Variants in DGKB observed in about 807,000 individuals in gnomAD.
DGKB encodes diacylglycerol kinase beta.
In DGKB, 67 loss-of-function variants were observed where a neutral mutation model predicts 114.3. The ratio of observed to expected loss-of-function variants is 0.59; its 90% CI spans 0.48 to 0.72. The LOEUF is 0.72. Among genes scored for constraint, DGKB ranks in the 30% least tolerant of loss-of-function variants. The pLI, the probability that DGKB is intolerant of heterozygous loss-of-function variation, is 0.00. For missense variants in DGKB, 907 were observed against 975.2 expected (o/e 0.93, Z 0.93); for synonymous variants, 398 against 323.1 (o/e 1.23, Z -2.49).
chr7:14,648,433 T>C (rs1462813737), intron 13 of DGKB, among the ~76,000 whole-genome samples: 1 of 151,410 alleles, frequency 6.6e-6, no homozygotes, highest in African/African-American at 2.4e-5. Flanking sequence ...CAGCTGAGGG[T>C]CCTCTCTGTT....
At chr7:14,172,773 A>G (rs1382255077) in intron 25 of DGKB, among the ~76,000 whole-genome samples, 1 of 152,078 alleles carries the variant, frequency 6.6e-6, no homozygotes, top group Non-Finnish European at 1.5e-5. Context: ...TGGGTAGTAA[A>G]GGGGTGCTGG....
chr7:14,521,254 G>A (rs1392482028), intron 20 of DGKB, among the ~76,000 whole-genome samples: 1 of 152,104 alleles, frequency 6.6e-6, no homozygotes, highest in East Asian at 1.9e-4. Context: ...AAGTAAGGCT[G>A]CACACCTACA....
chr7:14,534,255 G>A (rs1792063888), intron 20 of DGKB, among the ~76,000 whole-genome samples: 1 of 151,924 alleles, frequency 6.6e-6, no homozygotes, highest in African/African-American at 2.4e-5. Flanking sequence ...AATTACAAGA[G>A]GTTAGTCCAG....
At chr7:14,841,502 AG>A in intron 1 of DGKB, 52 bp from the exon 2 acceptor site, 1 of 378,506 alleles carries the variant, frequency 2.6e-6, no homozygotes, top group Non-Finnish European at 4.7e-6. Flanking sequence ...GATTGCACAA[AG>A]GAAAAAAATG....
chr7:14,313,941 G>C (rs936640788), intron 23 of DGKB, among the ~76,000 whole-genome samples: 2 of 152,186 alleles, frequency 1.3e-5, no homozygotes, highest in East Asian at 1.9e-4. Flanking sequence ...ATCTGAGAAC[G>C]GGCAGACTGC....
intron 23 of DGKB, among the ~76,000 whole-genome samples, chr7:14,282,155 C>T (rs1434483206): frequency 7.7e-4 from 60 of 77,696 alleles, no homozygotes; most frequent in Non-Finnish European, 8.1e-4. Flanking sequence ...ATCAAATAGA[C>T]GCAATAAAAA....
intron 1 of DGKB, among the ~76,000 whole-genome samples, chr7:14,857,751 G>C (rs1467707019): frequency 1.3e-5 from 2 of 151,706 alleles, no homozygotes; most frequent in African/African-American, 4.8e-5. Context: ...TTCATATATA[G>C]CTTCTTTGTT....
intron 1 of DGKB, among the ~76,000 whole-genome samples, chr7:14,871,207 C>T (rs1852402969): frequency 6.6e-6 from 1 of 152,078 alleles, no homozygotes; most frequent in African/African-American, 2.4e-5. Context: ...TCACATCAGG[C>T]TAATTAGCAT....
chr7:14,926,424 C>A (rs1784755980), intron 1 of DGKB, among the ~76,000 whole-genome samples: 1 of 151,198 alleles, frequency 6.6e-6, no homozygotes, highest in Non-Finnish European at 1.5e-5. Flanking sequence ...TCCTAGACAG[C>A]TAGCCTACTT....
At chr7:14,390,776 A>G (rs1468732868) in intron 21 of DGKB, among the ~76,000 whole-genome samples, 1 of 152,218 alleles carries the variant, frequency 6.6e-6, no homozygotes, top group Non-Finnish European at 1.5e-5. Context: ...TTTTAAAGTA[A>G]AATTATCACA....
At chr7:14,351,541 C>G (rs1340767874) in intron 21 of DGKB, among the ~76,000 whole-genome samples, 1 of 152,110 alleles carries the variant, frequency 6.6e-6, no homozygotes, top group African/African-American at 2.4e-5. Flanking sequence ...ACTATGGCCA[C>G]AGGTATTTGT....
At chr7:14,406,019 G>T (rs943370978) in intron 21 of DGKB, among the ~76,000 whole-genome samples, 8 of 151,944 alleles carry the variant, frequency 5.3e-5, no homozygotes, top group Non-Finnish European at 1.2e-4. Context: ...GCCCAGGGGT[G>T]GAGTGACCCA....
At chr7:14,340,148 T>C (rs945681581) in intron 22 of DGKB, among the ~76,000 whole-genome samples, 4 of 144,556 alleles carry the variant, frequency 2.8e-5, no homozygotes, top group Middle Eastern at 3.6e-3. Flanking sequence ...GAAACCAAGA[T>C]CTGGATGATG....
chr7:14,744,022 T>A (rs147584391), intron 4 of DGKB, among the ~76,000 whole-genome samples: 1 of 151,872 alleles, frequency 6.6e-6, no homozygotes, highest in African/African-American at 2.4e-5. Flanking sequence ...TGGACTGAAC[T>A]AATAGAAAAC....
intron 23 of DGKB, among the ~76,000 whole-genome samples, chr7:14,274,933 G>A (rs1402056825): frequency 7.1e-6 from 1 of 141,400 alleles, no homozygotes; most frequent in Non-Finnish European, 1.5e-5. Flanking sequence ...GTGCACTTCA[G>A]TCCATAGCAG....
chr7:14,665,919 C>T (rs532816834), intron 13 of DGKB, among the ~76,000 whole-genome samples: 20 of 151,882 alleles, frequency 1.3e-4, no homozygotes, highest in Non-Finnish European at 2.5e-4. Flanking sequence ...CCTATTTTAT[C>T]GATTTCTGTG....
chr7:14,770,838 A>T (rs983489773), intron 2 of DGKB, among the ~76,000 whole-genome samples: 1 of 152,132 alleles, frequency 6.6e-6, no homozygotes, highest in African/African-American at 2.4e-5. Context: ...TGAGTTGTTA[A>T]TTTAAATATT....
At chr7:14,655,682 C>T (rs68004031) in intron 13 of DGKB, among the ~76,000 whole-genome samples, 18,929 of 151,452 alleles carry the variant, frequency 0.12, 1,932 homozygotes, top group East Asian at 0.48. Context: ...GGTATATATG[C>T]ACAATGGAAT....
intron 21 of DGKB, among the ~76,000 whole-genome samples, chr7:14,452,874 T>C (rs939874546): frequency 2.6e-5 from 4 of 152,108 alleles, no homozygotes; most frequent in Non-Finnish European, 5.9e-5. Context: ...CCCAGCACCA[T>C]TACTGAATAT....
Sources: gnomAD v4.1 joint callset for allele counts (sites outside exome capture counted in the v4.1 genomes callset) on GRCh38, gnomAD v4.1.1 for gene constraint, MANE v1.5 for transcripts, NCBI Gene and HGNC (gene_info 2026-07-23, HGNC 2026-07-21) for gene names.